ANK3: variants seen among roughly 807,000 people sequenced by gnomAD.
The protein encoded by ANK3 is ankyrin-3.
A neutral mutation model predicts 370.9 loss-of-function variants in ANK3; 57 were observed. The observed-to-expected ratio is 0.15, with a 90% CI of 0.12 to 0.19. The LOEUF is 0.19. Ranked by LOEUF, ANK3 falls within the 10% of genes least tolerant of loss-of-function variation. ANK3 has a pLI of 1.00. For synonymous variants in ANK3, 1,929 were observed against 1,946.3 expected, an observed-to-expected ratio of 0.99 and a Z score of 0.23; for missense variants, 4,439 against 5,302.1, an observed-to-expected ratio of 0.84 and a Z score of 5.06.
At chr10:60,447,923 C>T (rs888654753) in intron 2 of ANK3, among the ~76,000 whole-genome samples, 1 of 152,022 alleles carries the variant, frequency 6.6e-6, no homozygotes, top group African/African-American at 2.4e-5. Context: ...TGGTTTTGTT[C>T]CCCTTAAAGG....
chr10:60,690,546 C>T (rs1481724902), intron 1 of ANK3, among the ~76,000 whole-genome samples: 2 of 151,808 alleles, frequency 1.3e-5, no homozygotes, highest in Admixed American at 6.6e-5. Context: ...ATACTTAATA[C>T]TTTAATACTT....
chr10:60,393,917 T>C (rs549022238), upstream of ANK3, among the ~76,000 whole-genome samples: 3 of 151,780 alleles, frequency 2.0e-5, no homozygotes, highest in Admixed American at 1.3e-4. Context: ...TAATGGAAGA[T>C]GGAAGTAAGA....
At chr10:60,730,312 C>A (rs1301586569) in intron 1 of ANK3, among the ~76,000 whole-genome samples, 1 of 152,082 alleles carries the variant, frequency 6.6e-6, no homozygotes, top group Non-Finnish European at 1.5e-5. Flanking sequence ...CACTTGCCCC[C>A]ATGCCCTACT....
chr10:60,267,158 T>G (rs2097894365), intron 5 of ANK3, among the ~76,000 whole-genome samples: 1 of 152,166 alleles, frequency 6.6e-6, no homozygotes, highest in Admixed American at 6.5e-5. Context: ...GAATTAAAGA[T>G]TCTATTAAAA....
intron 1 of ANK3, among the ~76,000 whole-genome samples, chr10:60,378,712 T>C (rs1214577414): frequency 2.4e-4 from 37 of 151,988 alleles, no homozygotes; most frequent in Admixed American, 2.4e-3. Flanking sequence ...TGAAAAGGAA[T>C]CAGAGACCCA....
At chr10:60,633,704 G>C (rs942905751) in intron 1 of ANK3, among the ~76,000 whole-genome samples, 1 of 152,084 alleles carries the variant, frequency 6.6e-6, no homozygotes, top group African/African-American at 2.4e-5. Flanking sequence ...CCACCTCTTT[G>C]GTTTTCTGGA....
In ANK3 at chr10:60,070,323, A is replaced by G; in HGVS notation, c.10558T>C (p.Phe3520Leu). ...AATTCTTCATCTACTTTGTAACTGA[A>G]GTAAGTATCAGGAAACACTGATCTG... ...PDRSVFPDTY[F>L]SYKVDEEFAT... The change falls in exon 37 of 44, where the codon TTC becomes CTC. Residue 3520 changes from phenylalanine to leucine, a missense_variant. Phe to Leu is a conservative substitution (Grantham distance 22). Around this residue, in one of 13 missense-constraint regions of ANK3, gnomAD observed 1,601 missense variants for 1,731.7 expected, o/e 0.92. Transcript: ENST00000280772. This position sits in a 1 kb window ranked among gnomAD's most constrained non-coding sequence, Gnocchi z 5.7. 6.2e-7 allele frequency: 1 copy of G among 1,614,114 alleles called. No individual in the cohort carries two copies.
At chr10:60,300,224 C>G in intron 1 of ANK3, 1 of 684,146 alleles carries the variant, frequency 1.5e-6, no homozygotes, top group South Asian at 1.5e-5. Flanking sequence ...GCTTCCTACC[C>G]AGCAACAAAC....
At chr10:60,642,638 G>GGC (rs996603260) in intron 1 of ANK3, among the ~76,000 whole-genome samples, 42 of 26,092 alleles carry the variant, frequency 1.6e-3, no homozygotes, top group South Asian at 4.7e-3. Flanking sequence ...GTTGTGGGGT[G>GGC]GGGGGGCGAG....
chr10:60,292,716 T>TC (rs1409663552), intron 1 of ANK3, among the ~76,000 whole-genome samples: 2 of 149,628 alleles, frequency 1.3e-5, no homozygotes, highest in Non-Finnish European at 3.0e-5. Flanking sequence ...TTTCTTTCTT[T>TC]TTTTTTTTTT....
intron 7 of ANK3, among the ~76,000 whole-genome samples, chr10:60,252,185 C>T (rs1390269060): frequency 6.6e-6 from 1 of 152,148 alleles, no homozygotes; most frequent in Non-Finnish European, 1.5e-5. Flanking sequence ...TCTAGGTACC[C>T]CTTTGCCCTT....
chr10:60,472,493 A>C (rs1008505248), intron 2 of ANK3, among the ~76,000 whole-genome samples: 16 of 152,192 alleles, frequency 1.1e-4, no homozygotes, highest in African/African-American at 3.9e-4. Context: ...AAGTTCTGGA[A>C]ATGCTTGATT....
chr10:60,190,101 C>A (rs576863026), intron 16 of ANK3, among the ~76,000 whole-genome samples: 89 of 152,258 alleles, frequency 5.8e-4, no homozygotes, highest in African/African-American at 2.0e-3. Context: ...CTTTTCAGTA[C>A]CCCAATTTCC....
intron 2 of ANK3, among the ~76,000 whole-genome samples, chr10:60,598,760 C>T (rs1370034198): frequency 6.6e-6 from 1 of 152,096 alleles, no homozygotes; most frequent in South Asian, 2.1e-4. Context: ...AGTAACATCA[C>T]TATGACATAA....
chr10:60,168,549 A>C (rs1247877014), intron 21 of ANK3, among the ~76,000 whole-genome samples: 1 of 152,234 alleles, frequency 6.6e-6, no homozygotes, highest in East Asian at 1.9e-4. Flanking sequence ...TTTTTTAAAA[A>C]AATTAATTTA....
At chr10:60,260,870 G>C (rs1289139342) in intron 7 of ANK3, among the ~76,000 whole-genome samples, 4 of 152,096 alleles carry the variant, frequency 2.6e-5, no homozygotes, top group Non-Finnish European at 5.9e-5. Context: ...GCAGAACCAG[G>C]AGCCAACTGA....
intron 8 of ANK3, among the ~76,000 whole-genome samples, chr10:60,218,102 T>TC (rs1431500518): frequency 2.8e-3 from 270 of 96,490 alleles, no homozygotes; most frequent in African/African-American, 0.012. Context: ...TCTTTCTTTT[T>TC]TTTTTTTTTT....
Position 60,172,915 on chromosome 10 carries a change from G to T in ANK3, c.2367C>A (p.Pro789=). 1 of 1,613,276 alleles carries T rather than the reference G, an allele frequency of 6.2e-7. No individual in the cohort carries two copies. Among genetic ancestry groups the T allele is most frequent in the Admixed American group, 1.7e-5 (1 of 60,006 alleles). The change falls in exon 20 of 44, where the codon CCC becomes CCA. Residue 789 remains proline (P), a synonymous_variant. Transcript: ENST00000280772. ...GAGCGCTTACCACAGTGAGTTCATT[G>T]GGGGAGGCGTTGTTCTGAAGTAAGA... ...INVLLQNNAS[P]NELTVNGNTA...
In ANK3 at chr10:60,528,373, C is replaced by T. The variant is rs149632372; in HGVS notation, c.96+86813G>A. The stretch of plus-strand genomic sequence containing the variant: ...CTGGTCTTGAACTCCCAACCTCAGG[C>T]AATCCACCCACCTTGGCCACCCAAA... On this transcript the variant is annotated intron_variant, in intron 2 of 43. Coordinates refer to the ANK3 transcript ENST00000373827. 5.1e-3 allele frequency among the ~76,000 whole-genome samples: 768 copies of T among 152,024 alleles called. 11 individuals carry two copies. Among genetic ancestry groups the T allele is most frequent in the African/African-American group, 0.017 (721 of 41,496 alleles).
Sources: allele counts gnomAD v4.1 joint callset (sites outside exome capture counted in the v4.1 genomes callset), GRCh38; gene constraint gnomAD v4.1.1; regional missense constraint gnomAD v4.1.1; non-coding constraint Gnocchi (gnomAD v3.1); transcripts MANE v1.5; gene names NCBI Gene and HGNC (gene_info 2026-07-23, HGNC 2026-07-21).